Variants in DNAH10 observed in about 807,000 individuals in gnomAD.
The protein encoded by DNAH10 is dynein axonemal heavy chain 10.
DNAH10 carries 348 observed loss-of-function variants against 506.6 expected under a neutral mutation model. The ratio of observed to expected loss-of-function variants is 0.69; its 90% CI spans 0.63 to 0.75. The LOEUF (loss-of-function observed/expected upper bound fraction) is 0.75. Ranked by LOEUF, DNAH10 falls within the 30% of genes least tolerant of loss-of-function variation. The pLI is 0.00. For synonymous variants in DNAH10, 2,059 were observed against 2,198.6 expected, an observed-to-expected ratio of 0.94 and a Z score of 1.78; for missense variants, 5,179 against 5,787.1, an observed-to-expected ratio of 0.89 and a Z score of 3.41.
chr12:123,914,924 C>T lies in DNAH10; in HGVS notation c.10647C>T (p.Arg3549=). 6.2e-7 allele frequency: 1 copy of T among 1,613,316 alleles called. No individual in the cohort carries two copies. The highest frequency in any genetic ancestry group is 8.5e-7 in the Non-Finnish European group (1 of 1,179,666). The change falls in exon 62 of 79, where the codon CGC becomes CGT. Residue 3549 remains arginine (R), a synonymous_variant. Transcript: ENST00000673944. ...GCATCCTCACCACCCGGGCCAGCCG[C>T]TTCCCTCTGTGTATCGACCCCCAGC... ...QNGILTTRAS[R]FPLCIDPQQQ... is the part of the protein sequence containing the mutation.
chr12:123,784,290 T>C lies in DNAH10; in HGVS notation c.1230+113T>C, dbSNP rs548216964. On this transcript the variant is annotated intron_variant, in intron 8 of 78. Coordinates refer to ENST00000673944, the MANE Select transcript of DNAH10 (RefSeq NM_001372106.1). ...GGCCAGGAGCAGTGGCTCATGCCTGTAATCCCAGCACTTTGGGAGGCTGAG... is the reference window on the plus strand; with the variant it reads ...GGCCAGGAGCAGTGGCTCATGCCTGCAATCCCAGCACTTTGGGAGGCTGAG... 1.0e-5 allele frequency: 11 copies of C among 1,069,526 alleles called. No individual in the cohort carries two copies. In the South Asian group the frequency reaches 1.5e-4, roughly 14 times the overall value. 66.3% of individuals were successfully genotyped at this position (1,069,526 alleles called of 1,614,324 possible).
rs767989556 is a variant in DNAH10 at position 123,833,382 on chromosome 12, C to T, written c.4779+35C>T. The T allele has an allele frequency of 5.0e-5, 76 of 1,534,414 alleles. 1 individual carries two copies. In the East Asian group the frequency reaches 1.7e-3, roughly 35 times the overall value. On this transcript the variant is annotated intron_variant, in intron 27 of 78. Coordinates refer to ENST00000673944, the MANE Select transcript of DNAH10 (RefSeq NM_001372106.1). Reference sequence around the variant, plus strand: ...AAGATGAACAAAAGATGGATTAGAGCCAGTGCATAGCAGTGGCTTTTATAT... The same window carrying T: ...AAGATGAACAAAAGATGGATTAGAGTCAGTGCATAGCAGTGGCTTTTATAT...
intron 47 of DNAH10, among the ~76,000 whole-genome samples, chr12:123,875,854 T>C (rs1952234396): frequency 6.6e-6 from 1 of 152,144 alleles, no homozygotes; most frequent in Non-Finnish European, 1.5e-5. Flanking sequence ...GGAGCAGGTC[T>C]CTTGAACTCT....
chr12:123,847,604 CTTCTG>C (rs980675018), intron 32 of DNAH10, among the ~76,000 whole-genome samples: 7 of 152,180 alleles, frequency 4.6e-5, no homozygotes, highest in Admixed American at 1.3e-4. Context: ...TCCCTCCATC[CTTCTG>C]TTCTGTTCAG....
intron 27 of DNAH10, among the ~76,000 whole-genome samples, chr12:123,833,932 T>C (rs1473892982): frequency 6.6e-6 from 1 of 152,216 alleles, no homozygotes; most frequent in Admixed American, 6.5e-5. Context: ...TGGGCAATAC[T>C]TATCCAGACC....
rs2137551207 is a variant in DNAH10 at position 123,918,926 on chromosome 12, G to A, written c.11483G>A (p.Ser3828Asn). The A allele has an allele frequency of 6.2e-7, 1 of 1,613,274 alleles. No homozygotes were observed. The highest frequency in any genetic ancestry group is 1.3e-5 in the African/African-American group (1 of 75,044). Reference protein sequence around the residue: ...LRNIMDTLTFSIYNHGCTGLF... With the variant: ...LRNIMDTLTFNIYNHGCTGLF... ...AACATCATGGACACGCTGACCTTCAGCATCTATAACCACGGCTGCACAGGT... is the reference window on the plus strand; with the variant it reads ...AACATCATGGACACGCTGACCTTCAACATCTATAACCACGGCTGCACAGGT... The change falls in exon 65 of 79, where the codon AGC (serine) becomes AAC (asparagine). Residue 3828 changes from serine (S) to asparagine (N), a missense_variant. By Grantham distance (46) the Ser-to-Asn change is conservative. Around this residue, in one of 3 missense-constraint regions of DNAH10, gnomAD observed 4,844 missense variants for 5,430.5 expected, o/e 0.89. Coordinates refer to ENST00000673944, the MANE Select transcript of DNAH10 (RefSeq NM_001372106.1).
intron 24 of DNAH10, among the ~76,000 whole-genome samples, chr12:123,822,003 C>T (rs555361641): frequency 2.2e-4 from 34 of 152,146 alleles, no homozygotes; most frequent in Non-Finnish European, 4.0e-4. Flanking sequence ...GCCAGGAGTT[C>T]GAGACTAGCC....
chr12:123,865,019 C>G (rs1339093977), intron 40 of DNAH10, among the ~76,000 whole-genome samples: 1 of 152,166 alleles, frequency 6.6e-6, no homozygotes, highest in Non-Finnish European at 1.5e-5. Flanking sequence ...TATACATTAT[C>G]TGTTGACTGA....
intron 47 of DNAH10, 33 bp from the exon 48 acceptor site, chr12:123,877,703 G>C: frequency 6.4e-7 from 1 of 1,552,068 alleles, no homozygotes; most frequent in Non-Finnish European, 8.7e-7. Flanking sequence ...AAGGACATTT[G>C]TGTGTTGGGG....
chr12:123,783,231 A>G lies in DNAH10; in HGVS notation c.966A>G (p.Thr322=), dbSNP rs1416280042. 1.9e-6 allele frequency: 3 copies of G among 1,614,082 alleles called. No individual in the cohort carries two copies. The highest frequency in any genetic ancestry group is 2.7e-5 in the African/African-American group (2 of 74,946). The part of the protein sequence containing the change: ...CVINWLNQIS[T]AVEAQLKKTP... ...TAAACTGGCTGAATCAGATATCCAC[A>G]GCGGTTGAGGCCCAACTGAAGAAGA... The change falls in exon 7 of 79, where the codon ACA becomes ACG. Residue 322 remains threonine, a synonymous_variant. Transcript: ENST00000673944.
In DNAH10 at chr12:123,925,092, G is replaced by A. The variant is rs746783876; in HGVS notation, c.11809G>A (p.Gly3937Ser). Residue 3937 changes from glycine (G) to serine (S), a missense_variant, in exon 68 of 79, where the codon GGT becomes AGT. This residue lies in a region of DNAH10 where 4,844 missense variants were observed against 5,430.5 expected (regional missense o/e 0.89). Coordinates refer to ENST00000673944, the MANE Select transcript of DNAH10 (RefSeq NM_001372106.1). This position sits in a 1 kb window ranked among gnomAD's most constrained non-coding sequence, Gnocchi z 4.0. The stretch of plus-strand genomic sequence containing the variant: ...ACTGGAGCAGTTTCCCGTCCCCTTG[G>A]GTTACGATAACAACATCACCCCTTT... ...DSLEQFPVPL[G>S]YDNNITPFQK... 4 of 1,613,846 alleles carry A rather than the reference G, an allele frequency of 2.5e-6. No individual in the cohort carries two copies. The highest frequency in any genetic ancestry group is 3.3e-5 in the Admixed American group (2 of 60,004).
intron 53 of DNAH10, among the ~76,000 whole-genome samples, chr12:123,893,694 C>G (rs113638337): frequency 6.6e-6 from 1 of 152,194 alleles, no homozygotes; most frequent in Non-Finnish European, 1.5e-5. Flanking sequence ...GGTGGCTCCC[C>G]GCTTCCTTCC....
At chr12:123,826,319 A>G (rs771657868) in intron 24 of DNAH10, among the ~76,000 whole-genome samples, 5 of 152,170 alleles carry the variant, frequency 3.3e-5, no homozygotes, top group Non-Finnish European at 7.3e-5. Context: ...ATCAGGGAAA[A>G]GAAGCAAGCT....
chr12:123,792,888 G>A (rs188411669), intron 11 of DNAH10, among the ~76,000 whole-genome samples: 12 of 152,098 alleles, frequency 7.9e-5, no homozygotes, highest in Admixed American at 5.2e-4. Context: ...TTACTCCTTC[G>A]TTTTGCTGGA....
chr12:123,935,414 T>C lies in DNAH10; in HGVS notation c.13703T>C (p.Leu4568Pro). ...MGVGLVFEADLFTTRHISHWV... is the reference protein window; with the variant it reads ...MGVGLVFEADPFTTRHISHWV... ...GTCGGCTTGGTTTTTGAAGCTGATCTCTTTACCACGAGGCACATTTCTCAC... is the reference window on the plus strand; with the variant it reads ...GTCGGCTTGGTTTTTGAAGCTGATCCCTTTACCACGAGGCACATTTCTCAC... The change falls in exon 79 of 79, where the codon CTC becomes CCC. Residue 4568 changes from leucine (L) to proline (P), a missense_variant. Physicochemically the swap from Leu to Pro is moderately conservative, Grantham distance 98. Coordinates refer to ENST00000673944, the MANE Select transcript of DNAH10 (RefSeq NM_001372106.1). 1 of 1,611,282 alleles carries C rather than the reference T, an allele frequency of 6.2e-7. No individual in the cohort carries two copies. The highest frequency in any genetic ancestry group is 1.3e-5 in the African/African-American group (1 of 75,034).
intron 52 of DNAH10, among the ~76,000 whole-genome samples, chr12:123,889,514 T>C (rs77472499): frequency 0.025 from 3,830 of 152,000 alleles, 170 homozygotes; most frequent in African/African-American, 0.086. Context: ...AGCGTGTGAG[T>C]GGACTGGTTA....
intron 43 of DNAH10, 138 bp from the exon 44 acceptor site, chr12:123,870,228 G>T: frequency 1.8e-6 from 2 of 1,132,856 alleles, no homozygotes; most frequent in Non-Finnish European, 2.5e-6. Context: ...TATCTGTCCA[G>T]TGAAGGAGCA....
chr12:123,763,754 G>C (rs1566303138), intron 1 of DNAH10, among the ~76,000 whole-genome samples: 1 of 151,564 alleles, frequency 6.6e-6, no homozygotes, highest in Non-Finnish European at 1.5e-5. Context: ...GGTAGAGACA[G>C]GTTTCACCAT....
chr12:123,929,823 C>T (rs1287007581), intron 72 of DNAH10, 64 bp downstream of exon 72: 2 of 1,469,588 alleles, frequency 1.4e-6, no homozygotes, highest in Non-Finnish European at 1.9e-6. Context: ...GCCTCGTGCC[C>T]CTATTTTCCT....
Sources: allele counts gnomAD v4.1 joint callset (sites outside exome capture counted in the v4.1 genomes callset), GRCh38; gene constraint gnomAD v4.1.1; regional missense constraint gnomAD v4.1.1; non-coding constraint Gnocchi (gnomAD v3.1); transcripts MANE v1.5; gene names NCBI Gene and HGNC (gene_info 2026-07-23, HGNC 2026-07-21).